The following SEMA3A variants were observed in gnomAD, a reference collection of about 807,000 sequenced individuals.
SEMA3A encodes semaphorin-3A.
Under a neutral mutation model 97.9 loss-of-function variants are expected in SEMA3A, and 29 were observed. That is an observed-to-expected ratio of 0.30 (90% confidence interval 0.22 to 0.40). The LOEUF (loss-of-function observed/expected upper bound fraction) is 0.40, where lower values mean the gene tolerates loss of function less well. SEMA3A is among the 10% of genes least tolerant of loss of function. SEMA3A has a pLI of 1.00. For missense variants in SEMA3A, 763 were observed against 951.3 expected (o/e 0.80, Z 2.60); for synonymous variants, 321 against 323.7 (o/e 0.99, Z 0.09).
chr7:84,378,825 T>A (rs1039670069), intron 1 of SEMA3A, among the ~76,000 whole-genome samples: 2 of 152,206 alleles, frequency 1.3e-5, no homozygotes, highest in Non-Finnish European at 2.9e-5. Context: ...TATGTGGATC[T>A]ACATTTATTA....
chr7:84,328,966 T>C (rs898970200), intron 2 of SEMA3A, among the ~76,000 whole-genome samples: 2 of 151,946 alleles, frequency 1.3e-5, no homozygotes, highest in Non-Finnish European at 2.9e-5. Flanking sequence ...TTTTATTCAT[T>C]TATTTATTTA....
intron 2 of SEMA3A, among the ~76,000 whole-genome samples, chr7:84,320,671 C>T (rs761954606): frequency 4.6e-5 from 7 of 150,660 alleles, no homozygotes; most frequent in Non-Finnish European, 1.0e-4. Flanking sequence ...TTTTTTTCTG[C>T]ACATGGGTTT....
At chr7:84,476,367 A>G (rs1461132077) in intron 1 of SEMA3A, among the ~76,000 whole-genome samples, 2 of 152,012 alleles carry the variant, frequency 1.3e-5, no homozygotes, top group African/African-American at 4.8e-5. Flanking sequence ...TCAAAAAAAA[A>G]AAAAAGAAAA....
At chr7:84,203,518 A>ATTTTTTT (rs1562850324) in intron 3 of SEMA3A, among the ~76,000 whole-genome samples, 1 of 48,576 alleles carries the variant, frequency 2.1e-5, no homozygotes, top group Non-Finnish European at 4.5e-5. Context: ...ATATATATAT[A>ATTTTTTT]TATATATATT....
chr7:84,438,814 A>G (rs868505180), intron 1 of SEMA3A, among the ~76,000 whole-genome samples: 59 of 152,172 alleles, frequency 3.9e-4, no homozygotes, highest in African/African-American at 1.3e-3. Context: ...TTGGAAGCCC[A>G]TAGTCTACAT....
intron 3 of SEMA3A, among the ~76,000 whole-genome samples, chr7:84,285,879 C>T (rs1287949879): frequency 6.8e-6 from 1 of 146,794 alleles, no homozygotes; most frequent in African/African-American, 2.6e-5. Flanking sequence ...GTCCAGGCTG[C>T]AGTGAGACAT....
At chr7:84,431,704 G>A (rs1436073174) in intron 1 of SEMA3A, among the ~76,000 whole-genome samples, 1 of 151,638 alleles carries the variant, frequency 6.6e-6, no homozygotes, top group Non-Finnish European at 1.5e-5. Context: ...AATAGATAAA[G>A]CCAGCTTCAA....
At position 84,007,266 on chromosome 7, in the gene SEMA3A, C is replaced by G. The variant is rs560163885; in HGVS notation, c.1140+87G>C. The G allele has an allele frequency of 9.3e-5, 98 of 1,053,326 alleles. No individual in the cohort carries two copies. In the African/African-American group the frequency reaches 1.3e-3, roughly 14 times the overall value. The allele number at this position is 1,053,326 out of a possible 1,614,324, so 65.2% of individuals were successfully genotyped here. ...AATCTTTTTTCTACATTACAGGATA[C>G]ATTTAATATCTGTCTGTAGCTGCAT... On this transcript the variant is annotated intron_variant, in intron 10 of 16. Coordinates refer to ENST00000265362, the MANE Select transcript of SEMA3A (RefSeq NM_006080.3).
At chr7:84,344,019 A>G (rs1481020437) in intron 2 of SEMA3A, among the ~76,000 whole-genome samples, 1 of 152,080 alleles carries the variant, frequency 6.6e-6, no homozygotes, top group Non-Finnish European at 1.5e-5. Flanking sequence ...GGGAAAAAAA[A>G]AAAAGAAAAT....
chr7:84,219,138 CA>C (rs1290593987), intron 3 of SEMA3A, among the ~76,000 whole-genome samples: 2 of 151,858 alleles, frequency 1.3e-5, no homozygotes, highest in Admixed American at 6.6e-5. Context: ...AAACCAGTGA[CA>C]AAAAAATCAT....
chr7:84,355,292 C>A (rs951587192), intron 2 of SEMA3A, among the ~76,000 whole-genome samples: 1 of 151,804 alleles, frequency 6.6e-6, no homozygotes, highest in Non-Finnish European at 1.5e-5. Flanking sequence ...TACAGATACA[C>A]CTTTTCTCTG....
At chr7:84,290,347 T>C (rs1800709873) in intron 3 of SEMA3A, among the ~76,000 whole-genome samples, 1 of 152,128 alleles carries the variant, frequency 6.6e-6, no homozygotes. Flanking sequence ...GGACCTCTTC[T>C]TTGATCTTAA....
In SEMA3A at chr7:84,133,495, G is replaced by A. The variant is rs138071090; in HGVS notation, c.270+1299C>T. On this transcript the variant is annotated intron_variant, in intron 2 of 16. Coordinates refer to ENST00000265362, the MANE Select transcript of SEMA3A (RefSeq NM_006080.3). ...TATCATCAAATCTGCTATTGGTTGT[G>A]AGTAGTTGGGGCATACCAGTTCAAA... Among the ~76,000 whole-genome samples the A allele has an allele frequency of 9.3e-4, 142 of 152,258 alleles. 2 individuals carry two copies. The highest frequency in any genetic ancestry group is 3.0e-3 in the African/African-American group (126 of 41,562).
intron 1 of SEMA3A, among the ~76,000 whole-genome samples, chr7:84,433,669 G>A (rs1805047188): frequency 6.6e-6 from 1 of 152,068 alleles, no homozygotes; most frequent in African/African-American, 2.4e-5. Flanking sequence ...TTCCACAATG[G>A]TTGAACTAAT....
intron 4 of SEMA3A, among the ~76,000 whole-genome samples, chr7:84,068,862 C>T (rs1041271336): frequency 3.9e-5 from 6 of 152,062 alleles, no homozygotes; most frequent in African/African-American, 1.4e-4. Context: ...TATCCTTCGT[C>T]ATGGTGTCAG....
chr7:84,310,097 G>A (rs1294915919), intron 2 of SEMA3A, among the ~76,000 whole-genome samples: 1 of 152,012 alleles, frequency 6.6e-6, no homozygotes, highest in African/African-American at 2.4e-5. Context: ...ATTATACAAT[G>A]GAGGTTTTAA....
intron 1 of SEMA3A, among the ~76,000 whole-genome samples, chr7:84,389,360 T>G (rs1803481168): frequency 6.6e-6 from 1 of 152,062 alleles, no homozygotes. Context: ...GAAGGAAGAT[T>G]ATTTTGTGAG....
At chr7:84,016,956 AT>A (rs1168727317) in intron 6 of SEMA3A, among the ~76,000 whole-genome samples, 1 of 152,200 alleles carries the variant, frequency 6.6e-6, no homozygotes, top group African/African-American at 2.4e-5. Flanking sequence ...TACCTCCCAA[AT>A]TAGTGTAGTT....
chr7:84,031,333 T>C (rs1791744738), intron 6 of SEMA3A, among the ~76,000 whole-genome samples: 1 of 152,050 alleles, frequency 6.6e-6, no homozygotes, highest in South Asian at 2.1e-4. Context: ...CTCATGTAAG[T>C]TGGATGACTT....
Sources: gnomAD v4.1 joint callset for allele counts (sites outside exome capture counted in the v4.1 genomes callset) on GRCh38, gnomAD v4.1.1 for gene constraint, MANE v1.5 for transcripts, NCBI Gene and HGNC (gene_info 2026-07-23, HGNC 2026-07-21) for gene names.